CELF5: variants seen among roughly 807,000 people sequenced by gnomAD.
CELF5 encodes the protein CUG-BP and ETR-3 like factor 5.
A neutral mutation model predicts 54.9 loss-of-function variants in CELF5; 6 were observed. That is an observed-to-expected ratio of 0.11 (90% CI 0.06 to 0.22). CELF5 has a LOEUF of 0.22. CELF5 is among the 10% of genes least tolerant of loss of function. The probability of loss-of-function intolerance (pLI) is 1.00; values close to 1 mark genes in which losing one functional copy is unlikely to be tolerated. For missense variants in CELF5, 401 were observed against 678.6 expected (o/e 0.59, Z 4.54); for synonymous variants, 271 against 290.9 (o/e 0.93, Z 0.70).
At chr19:3,244,959 C>A (rs577878148) in intron 1 of CELF5, among the ~76,000 whole-genome samples, 1 of 128,432 alleles carries the variant, frequency 7.8e-6, no homozygotes, top group East Asian at 2.5e-4. Flanking sequence ...GTGCATGCAT[C>A]TTGTCTGCGT....
chr19:3,225,137 C>G, intron 1 of CELF5, 139 bp downstream of exon 1: 2 of 506,644 alleles, frequency 3.9e-6, no homozygotes, highest in Non-Finnish European at 6.6e-6. Flanking sequence ...TCGGTTCTTA[C>G]CCCCTCCCTC....
intron 12 of CELF5, chr19:3,296,435 A>G (rs1220216567): frequency 1.4e-4 from 7 of 48,344 alleles, no homozygotes; most frequent in South Asian, 3.6e-4. Context: ...AACCACACAG[A>G]AAAAAAAAAA....
At chr19:3,260,415 C>A (rs568724148) in intron 2 of CELF5, among the ~76,000 whole-genome samples, 1 of 152,022 alleles carries the variant, frequency 6.6e-6, no homozygotes, top group Non-Finnish European at 1.5e-5. Context: ...GGATTACAGG[C>A]GTAAGCCACC....
At chr19:3,247,658 T>G (rs2079586295) in intron 1 of CELF5, among the ~76,000 whole-genome samples, 1 of 151,858 alleles carries the variant, frequency 6.6e-6, no homozygotes, top group African/African-American at 2.4e-5. Context: ...TTTGTTACAT[T>G]GCACGCTTAC....
At chr19:3,290,708 C>T (rs1330143854) in intron 11 of CELF5, among the ~76,000 whole-genome samples, 8 of 149,346 alleles carry the variant, frequency 5.4e-5, no homozygotes, top group South Asian at 4.3e-4. Context: ...GGACTACAGG[C>T]GCCCGCCACC....
Position 3,281,209 on chromosome 19 carries a change from C to G in CELF5, c.614C>G (p.Ser205Cys). 6.2e-7 allele frequency: 1 copy of G among 1,606,978 alleles called. No homozygotes were observed. Among genetic ancestry groups the G allele is most frequent in the South Asian group, 1.1e-5 (1 of 91,054 alleles). ...HGSQTMPGASSSLVVKFADTD... is the reference protein window; with the variant it reads ...HGSQTMPGASCSLVVKFADTD... ...CCGCTGCCCCTGCAGGGAGCCTCCT[C>G]CAGCCTGGTGGTCAAGTTCGCCGAC... The change falls in exon 6 of 13, where the codon TCC (serine) becomes TGC (cysteine). Residue 205 changes from serine (S) to cysteine (C), a missense_variant. Coordinates refer to ENST00000292672, the MANE Select transcript of CELF5 (RefSeq NM_021938.4). This position sits in a 1 kb window ranked among gnomAD's most constrained non-coding sequence, Gnocchi z 6.5.
At chr19:3,280,290 G>T (rs1262837616) in intron 5 of CELF5, among the ~76,000 whole-genome samples, 3 of 152,134 alleles carry the variant, frequency 2.0e-5, no homozygotes, top group African/African-American at 7.2e-5. Context: ...AAAAATCTGG[G>T]GCTGGGGCTG....
chr19:3,288,627 C>T (rs2080292097), intron 10 of CELF5, among the ~76,000 whole-genome samples: 1 of 152,022 alleles, frequency 6.6e-6, no homozygotes, highest in Non-Finnish European at 1.5e-5. Context: ...GCAGAAGGAT[C>T]GCTTGAGGCC....
At chr19:3,244,356 G>C (rs1284285431) in intron 1 of CELF5, among the ~76,000 whole-genome samples, 2 of 151,826 alleles carry the variant, frequency 1.3e-5, no homozygotes, top group Non-Finnish European at 2.9e-5. Flanking sequence ...TGTGTGTGTA[G>C]TGTGTGGTGT....
chr19:3,290,347 C>G lies in CELF5; in HGVS notation c.1303C>G (p.Arg435Gly). The stretch of plus-strand genomic sequence containing the variant: ...CATTTCCTCCAAGGTGTTTATGGAT[C>G]GAGCTACCAACCAGAGCAAGTGTTT... Reference protein sequence around the residue: ...NIISSKVFMDRATNQSKCFGF... With the variant: ...NIISSKVFMDGATNQSKCFGF... The change falls in exon 11 of 13, where the codon CGA (arginine) becomes GGA (glycine). Residue 435 changes from arginine to glycine, a missense_variant. Physicochemically the swap from Arg to Gly is moderately radical, Grantham distance 125. Coordinates refer to ENST00000292672, the MANE Select transcript of CELF5 (RefSeq NM_021938.4). 1 of 1,613,894 alleles carries G rather than the reference C, an allele frequency of 6.2e-7. No individual in the cohort carries two copies. Among genetic ancestry groups the G allele is most frequent in the South Asian group, 1.1e-5 (1 of 91,066 alleles).
intron 2 of CELF5, among the ~76,000 whole-genome samples, chr19:3,267,081 G>A (rs901920553): frequency 5.0e-4 from 69 of 138,150 alleles, no homozygotes; most frequent in South Asian, 2.0e-3. Context: ...GTGCGTGTGC[G>A]TGTGTGCATG....
chr19:3,289,064 CTT>C (rs2080298759), intron 10 of CELF5, among the ~76,000 whole-genome samples: 1 of 152,096 alleles, frequency 6.6e-6, no homozygotes, highest in Non-Finnish European at 1.5e-5. Context: ...TTATTTGTAA[CTT>C]AAAAATAATT....
At chr19:3,284,699 A>G in intron 8 of CELF5, 2 of 587,024 alleles carry the variant, frequency 3.4e-6, no homozygotes, top group South Asian at 2.0e-5. Context: ...ATTCCAGTTC[A>G]GCTTCTGCCA....
rs140550195 is a variant in CELF5, at chr19:3,224,970, C to G, written c.231C>G (p.Leu77=). ...GCCGCATCTACGAGCTCACGGTGCT[C>G]AAAGACCCCTACACGGGGATGCACA... is the stretch of plus-strand genomic sequence containing the variant. ...QFGRIYELTV[L]KDPYTGMHKG... is the part of the protein sequence containing the mutation. The change falls in exon 1 of 13, where the codon CTC becomes CTG. Residue 77 remains leucine, a synonymous_variant. Transcript: ENST00000292672. 1.9e-6 allele frequency: 3 copies of G among 1,603,944 alleles called. No homozygotes were observed. Among genetic ancestry groups the G allele is most frequent in the Non-Finnish European group, 2.6e-6 (3 of 1,175,920 alleles).
intron 12 of CELF5, chr19:3,294,361 C>T (rs11666246): frequency 0.13 from 19,464 of 151,592 alleles, 1,402 homozygotes; most frequent in African/African-American, 0.15. Context: ...TTTTCGCAGC[C>T]GAGCCCAGAA....
intron 5 of CELF5, among the ~76,000 whole-genome samples, chr19:3,280,352 C>T (rs1175709171): frequency 6.6e-6 from 1 of 151,740 alleles, no homozygotes; most frequent in Non-Finnish European, 1.5e-5. Flanking sequence ...GGGCGGATCA[C>T]TTGAGGTCAG....
chr19:3,253,484 C>T (rs1230816142), intron 2 of CELF5, among the ~76,000 whole-genome samples: 5 of 152,172 alleles, frequency 3.3e-5, no homozygotes, highest in Non-Finnish European at 7.3e-5. Context: ...GCTTGAGCTT[C>T]CTTACAACAT....
At position 3,275,974 on chromosome 19, in the gene CELF5, C is replaced by A. The variant is rs372907099; in HGVS notation, c.513C>A (p.Gly171=). The stretch of plus-strand genomic sequence containing the variant: ...GCACCGTGCTCCGGGGGCCTGACGG[C>A]AGCAGCAAAGGTGACTGGCGGGGGC... ...DECTVLRGPD[G]SSKGCAFVKF... Residue 171 remains glycine (G), a synonymous_variant, in exon 4 of 13, where the codon GGC becomes GGA. Coordinates refer to ENST00000292672, the MANE Select transcript of CELF5 (RefSeq NM_021938.4). The surrounding 1 kb of genome is among the most constrained non-coding windows in gnomAD (Gnocchi z 6.7). The A allele has an allele frequency of 4.4e-5, 70 of 1,602,684 alleles. No individual in the cohort carries two copies. Among genetic ancestry groups the A allele is most frequent in the Non-Finnish European group, 5.4e-5 (64 of 1,177,594 alleles).
intron 2 of CELF5, among the ~76,000 whole-genome samples, chr19:3,251,290 T>C (rs985903983): frequency 5.9e-5 from 9 of 152,168 alleles, no homozygotes; most frequent in Non-Finnish European, 1.3e-4. Flanking sequence ...TTGTGTGTGG[T>C]TGTGCAGGTT....
Sources: gnomAD v4.1 joint callset for allele counts (sites outside exome capture counted in the v4.1 genomes callset) on GRCh38, gnomAD v4.1.1 for gene constraint, Gnocchi (gnomAD v3.1) non-coding constraint, MANE v1.5 for transcripts, NCBI Gene and HGNC (gene_info 2026-07-23, HGNC 2026-07-21) for gene names.